C2orf72: variants seen among roughly 807,000 people sequenced by gnomAD.
The protein encoded by C2orf72 is chromosome 2 open reading frame 72, also known as uncharacterized protein C2orf72.
A neutral mutation model predicts 14.4 loss-of-function variants in C2orf72; 16 were observed. That is an observed-to-expected ratio of 1.11 (90% confidence interval 0.75 to 1.69). The LOEUF (loss-of-function observed/expected upper bound fraction) is 1.69, where lower values mean the gene tolerates loss of function less well. Ranked by LOEUF, C2orf72 falls within the 40% of genes most tolerant of loss-of-function variation. The pLI is 0.00. For synonymous variants in C2orf72, 168 were observed against 176.8 expected (o/e 0.95, Z 0.40); for missense variants, 371 against 358.3 (o/e 1.04, Z -0.29).
At position 231,047,302 on chromosome 2, in the gene C2orf72, G is replaced by A. The variant is rs1693431807; in HGVS notation, c.*281G>A. 1.2e-5 allele frequency: 6 copies of A among 494,570 alleles called. No individual in the cohort carries two copies. The highest frequency in any genetic ancestry group is 2.3e-5 in the Non-Finnish European group (6 of 261,072). The allele number at this position is 494,570 out of a possible 1,614,324, so 30.6% of individuals were successfully genotyped here. On this transcript the variant is annotated 3_prime_UTR_variant, in exon 3 of 3. Coordinates refer to ENST00000373640, the MANE Select transcript of C2orf72 (RefSeq NM_001144994.2). ...GTTTCTCTGAGCCACTGAGACAGATGGCTGTCCGCTTTGAGGCTCTGCAGA... is the reference window on the plus strand; with the variant it reads ...GTTTCTCTGAGCCACTGAGACAGATAGCTGTCCGCTTTGAGGCTCTGCAGA...
At position 231,047,169 on chromosome 2, in the gene C2orf72, C is replaced by A; in HGVS notation, c.*148C>A. On this transcript the variant is annotated 3_prime_UTR_variant, in exon 3 of 3. Coordinates refer to ENST00000373640, the MANE Select transcript of C2orf72 (RefSeq NM_001144994.2). Reference sequence around the variant, plus strand: ...CACAGTTACCAGCTAGACAGTGGGGCTTACTAAGACAAGCAGGACCTAAAA... The same window carrying A: ...CACAGTTACCAGCTAGACAGTGGGGATTACTAAGACAAGCAGGACCTAAAA... 2 of 960,772 alleles carry A rather than the reference C, an allele frequency of 2.1e-6. No individual in the cohort carries two copies. The highest frequency in any genetic ancestry group is 3.2e-6 in the Non-Finnish European group (2 of 618,068). The allele number at this position is 960,772 out of a possible 1,614,324, so 59.5% of individuals were successfully genotyped here.
chr2:231,042,335 C>T (rs1693355031), intron 2 of C2orf72, among the ~76,000 whole-genome samples: 1 of 152,126 alleles, frequency 6.6e-6, no homozygotes, highest in Admixed American at 6.5e-5. Context: ...AGCACCAAGC[C>T]CTACGTATAC....
rs1693278387 is a variant in C2orf72 at position 231,037,897 on chromosome 2, G to A, written c.332G>A (p.Cys111Tyr). Residue 111 changes from cysteine (C) to tyrosine (Y), a missense_variant, in exon 1 of 3, where the codon TGC becomes TAC. Around this residue, in one of 3 missense-constraint regions of C2orf72, gnomAD observed 214 missense variants for 178.7 expected, o/e 1.20. Transcript: ENST00000373640. Reference protein sequence around the residue: ...AIRSPLVFVLCRASSLAAREP... With the variant: ...AIRSPLVFVLYRASSLAAREP... ...CGCTCGCCGCTGGTCTTCGTGCTGT[G>A]CCGCGCGTCGTCGCTGGCCGCCCGG... The A allele has an allele frequency of 5.9e-6, 6 of 1,020,888 alleles. No homozygotes were observed. Among genetic ancestry groups the A allele is most frequent in the Non-Finnish European group, 7.0e-6 (6 of 854,908 alleles). The allele number at this position is 1,020,888 out of a possible 1,614,324, so 63.2% of individuals were successfully genotyped here.
intron 2 of C2orf72, among the ~76,000 whole-genome samples, chr2:231,043,963 C>T (rs1255058086): frequency 6.6e-6 from 1 of 152,238 alleles, no homozygotes; most frequent in Non-Finnish European, 1.5e-5. Flanking sequence ...TGCTATGCGG[C>T]ATAGCCTATC....
chr2:231,042,681 A>G, intron 2 of C2orf72, among the ~76,000 whole-genome samples: 1 of 152,338 alleles, frequency 6.6e-6, no homozygotes, highest in African/African-American at 2.4e-5. Context: ...CCATTAGTTG[A>G]TGTGTCAGTC....
rs1298250256 is a variant in C2orf72, at chr2:231,037,843, G to C, written c.278G>C (p.Gly93Ala). 8 of 978,502 alleles carry C rather than the reference G, an allele frequency of 8.2e-6. No individual in the cohort carries two copies. The African/African-American group carries it at 1.1e-4, about 13-fold the overall frequency. 60.6% of individuals were successfully genotyped at this position (978,502 alleles called of 1,614,324 possible). A position where few individuals can be genotyped will look rare whatever the true frequency, so the allele number is the denominator to read the frequency against. Reference protein sequence around the residue: ...QRAARAAGAAGAAAAAARAIR... With the variant: ...QRAARAAGAAAAAAAAARAIR... ...GCGGCGAGGGCGGCTGGGGCGGCGG[G>C]GGCGGCGGCGGCGGCGGCGCGCGCC... is the stretch of plus-strand genomic sequence containing the variant. Residue 93 changes from glycine (G) to alanine (A), a missense_variant, in exon 1 of 3, where the codon GGG becomes GCG. Gly to Ala is a moderately conservative substitution (Grantham distance 60). Around this residue, in one of 3 missense-constraint regions of C2orf72, gnomAD observed 214 missense variants for 178.7 expected, o/e 1.20. Transcript: ENST00000373640.
At position 231,040,638 on chromosome 2, in the gene C2orf72, AT is replaced by A. The variant is rs765017313; in HGVS notation, c.635-655del. On this transcript the variant is annotated intron_variant, in intron 1 of 2. Transcript: ENST00000373640. ...GGATCTGTTTTTTTAAAGTTTTCCA[AT>A]TTCTTTCCTCACCGTCTGATGATAA... Among the ~76,000 whole-genome samples the A allele has an allele frequency of 3.9e-5, 6 of 152,098 alleles. No individual in the cohort carries two copies. The East Asian group carries it at 1.2e-3, about 29-fold the overall frequency.
rs554846518 is a variant in C2orf72, at chr2:231,041,973, T to C, written c.748+564T>C. 4.6e-5 allele frequency among the ~76,000 whole-genome samples: 7 copies of C among 151,534 alleles called. No homozygotes were observed. In the South Asian group the frequency reaches 1.5e-3, roughly 32 times the overall value. On this transcript the variant is annotated intron_variant, in intron 2 of 2. Coordinates refer to ENST00000373640, the MANE Select transcript of C2orf72 (RefSeq NM_001144994.2). ...GTCCCAGATGTGCAGCCTTCAGGAG[T>C]AGTGTGCCATGAGCGATTTCTGAGC...
intron 1 of C2orf72, among the ~76,000 whole-genome samples, chr2:231,040,092 C>G (rs1693319574): frequency 6.6e-6 from 1 of 152,070 alleles, no homozygotes; most frequent in Non-Finnish European, 1.5e-5. Flanking sequence ...CCTGAAGAGC[C>G]TTTTCTCCTC....
rs193064152 is a variant in C2orf72, at chr2:231,044,376, C to G, written c.749-2506C>G. The stretch of plus-strand genomic sequence containing the variant: ...TTGATTTTTTGGCCAGGCATGATGG[C>G]GCGTGCCTGTAGACCCTGCTACTCC... On this transcript the variant is annotated intron_variant, in intron 2 of 2. Coordinates refer to ENST00000373640, the MANE Select transcript of C2orf72 (RefSeq NM_001144994.2). 1.6e-3 allele frequency among the ~76,000 whole-genome samples: 243 copies of G among 152,224 alleles called. 1 individual carries two copies. Among genetic ancestry groups the G allele is most frequent in the African/African-American group, 5.3e-3 (221 of 41,500 alleles).
In C2orf72 at chr2:231,041,327, C is replaced by T. The variant is rs931008866; in HGVS notation, c.666C>T (p.Pro222=). 69 of 1,551,252 alleles carry T rather than the reference C, an allele frequency of 4.4e-5. No individual in the cohort carries two copies. The highest frequency in any genetic ancestry group is 5.7e-5 in the Non-Finnish European group (65 of 1,146,860). The change falls in exon 2 of 3, where the codon CCC becomes CCT. Residue 222 remains proline, a synonymous_variant. Transcript: ENST00000373640. The part of the protein sequence containing the change: ...VEGAWERPGL[P]GLLACFSWGP... ...GAGCCTGGGAGAGGCCAGGCCTCCC[C>T]GGACTGCTAGCCTGCTTTTCCTGGG...
rs2125134985 is a variant in C2orf72 at position 231,037,668 on chromosome 2, C to G, written c.103C>G (p.Leu35Val). Residue 35 changes from leucine to valine, a missense_variant, in exon 1 of 3, where the codon CTG becomes GTG. Physicochemically the swap from Leu to Val is conservative, Grantham distance 32. Transcript: ENST00000373640. ...GGCGGGGGGCCGCGGGCAGGTGCTG[C>G]TGGTGGGCGAGCTGTGGGAGCGCGA... ...EAAGGRGQVL[L>V]VGELWEREQS... 9.0e-7 allele frequency: 1 copy of G among 1,108,276 alleles called. No individual in the cohort carries two copies. The highest frequency in any genetic ancestry group is 1.1e-6 in the Non-Finnish European group (1 of 905,864). The allele number at this position is 1,108,276 out of a possible 1,614,324, so 68.7% of individuals were successfully genotyped here.
rs1404338735 is a variant in C2orf72 at position 231,048,923 on chromosome 2, T to G, written c.*1902T>G. 1 of 152,272 alleles carries G rather than the reference T, an allele frequency of 6.6e-6. No individual in the cohort carries two copies. Among genetic ancestry groups the G allele is most frequent in the Non-Finnish European group, 1.5e-5 (1 of 68,048 alleles). The allele number at this position is 152,272 out of a possible 1,614,324, so 9.4% of individuals were successfully genotyped here. ...TCTTTGTAATCATCTTATTAAAGTT[T>G]TCTTATTTAGTGGGAGAGGGAGCTT... On this transcript the variant is annotated 3_prime_UTR_variant, in exon 3 of 3. Transcript: ENST00000373640.
rs1693424452 is a variant in C2orf72 at position 231,046,873 on chromosome 2, G to A, written c.749-9G>A. ...TTCTGATTCAGTGATTTCTTCTCCT[G>A]TGTTCCAGAAGACTTCCAGGAACCT... On this transcript the variant is annotated splice_polypyrimidine_tract_variant and intron_variant, in intron 2 of 2. Coordinates refer to ENST00000373640, the MANE Select transcript of C2orf72 (RefSeq NM_001144994.2). 1 of 1,546,428 alleles carries A rather than the reference G, an allele frequency of 6.5e-7. No individual in the cohort carries two copies. Among genetic ancestry groups the A allele is most frequent in the Non-Finnish European group, 8.7e-7 (1 of 1,143,660 alleles).
Position 231,037,678 on chromosome 2 carries a change from A to G in C2orf72, c.113A>G (p.Glu38Gly). Reference sequence around the variant, plus strand: ...CGCGGGCAGGTGCTGCTGGTGGGCGAGCTGTGGGAGCGCGAACAGAGCCGC... The same window carrying G: ...CGCGGGCAGGTGCTGCTGGTGGGCGGGCTGTGGGAGCGCGAACAGAGCCGC... ...GGRGQVLLVG[E>G]LWEREQSRAL... The change falls in exon 1 of 3, where the codon GAG becomes GGG. Residue 38 changes from glutamate (E) to glycine (G), a missense_variant. Transcript: ENST00000373640. 1 of 1,091,666 alleles carries G rather than the reference A, an allele frequency of 9.2e-7. No individual in the cohort carries two copies. 67.6% of individuals were successfully genotyped at this position (1,091,666 alleles called of 1,614,324 possible).
intron 2 of C2orf72, among the ~76,000 whole-genome samples, chr2:231,044,666 ATTTTTTTTTTT>A (rs934535205): frequency 1.7e-5 from 2 of 115,096 alleles, no homozygotes; most frequent in African/African-American, 3.6e-5. Flanking sequence ...TCCTATTTTA[ATTTTTTTTTTT>A]TTTTTTTTTT....
intron 2 of C2orf72, among the ~76,000 whole-genome samples, chr2:231,045,495 T>A (rs1693404066): frequency 6.6e-6 from 1 of 151,332 alleles, no homozygotes; most frequent in African/African-American, 2.4e-5. Context: ...AGGAATTTTT[T>A]AGCTGTGTTT....
At chr2:231,044,555 C>A (rs765984456) in intron 2 of C2orf72, among the ~76,000 whole-genome samples, 1 of 151,832 alleles carries the variant, frequency 6.6e-6, no homozygotes, top group African/African-American at 2.4e-5. Flanking sequence ...TTATTAAAAG[C>A]TTTTTCACTC....
Position 231,037,595 on chromosome 2 carries a change from C to T in C2orf72, c.30C>T (p.Ala10=). ...AGCGCGAGCTGGAGGCGCTGGCGGC[C>T]CGGCTTGCGCGCCCTGCCGAGCCGC... MERELEALA[A]RLARPAEPPF... Residue 10 remains alanine (A), a synonymous_variant, in exon 1 of 3, where the codon GCC becomes GCT. Coordinates refer to ENST00000373640, the MANE Select transcript of C2orf72 (RefSeq NM_001144994.2). 1 of 1,071,196 alleles carries T rather than the reference C, an allele frequency of 9.3e-7. No individual in the cohort carries two copies. Among genetic ancestry groups the T allele is most frequent in the Non-Finnish European group, 1.1e-6 (1 of 886,206 alleles). The allele number at this position is 1,071,196 out of a possible 1,614,324, so 66.4% of individuals were successfully genotyped here.
Sources: allele counts gnomAD v4.1 joint callset (sites outside exome capture counted in the v4.1 genomes callset), GRCh38; gene constraint gnomAD v4.1.1; regional missense constraint gnomAD v4.1.1; transcripts MANE v1.5; gene names NCBI Gene and HGNC (gene_info 2026-07-23, HGNC 2026-07-21).